Variants in CAMKMT observed in about 807,000 individuals in gnomAD.
CAMKMT encodes the protein CaM KMT.
CAMKMT carries 53 observed loss-of-function variants against 48.0 expected under a neutral mutation model. The observed-to-expected ratio is 1.10, with a 90% CI of 0.89 to 1.39. The LOEUF is 1.39. Among genes scored for constraint, CAMKMT ranks in the 40% most tolerant of loss-of-function variants. The pLI is 0.00. For synonymous variants in CAMKMT, 165 were observed against 152.3 expected, an observed-to-expected ratio of 1.08 and a Z score of -0.61; for missense variants, 428 against 402.7, an observed-to-expected ratio of 1.06 and a Z score of -0.54.
chr2:44,703,717 A>G (rs1677383055), intron 3 of CAMKMT, among the ~76,000 whole-genome samples: 1 of 149,612 alleles, frequency 6.7e-6, no homozygotes, highest in Non-Finnish European at 1.5e-5. Flanking sequence ...GGCAGACTTT[A>G]CAGTGAGCTG....
chr2:44,500,862 A>T (rs1389643610), intron 3 of CAMKMT, among the ~76,000 whole-genome samples: 1 of 151,648 alleles, frequency 6.6e-6, no homozygotes, highest in Non-Finnish European at 1.5e-5. Context: ...TTGTATTTTT[A>T]GTAGAGATGG....
chr2:44,770,723 T>G (rs1434360033), intron 10 of CAMKMT, among the ~76,000 whole-genome samples: 1 of 152,240 alleles, frequency 6.6e-6, no homozygotes, highest in Admixed American at 6.5e-5. Context: ...TTTCTCAGCA[T>G]TTTCTAAAAT....
chr2:44,684,234 A>C (rs1404704426), intron 3 of CAMKMT, among the ~76,000 whole-genome samples: 1 of 152,224 alleles, frequency 6.6e-6, no homozygotes, highest in Non-Finnish European at 1.5e-5. Flanking sequence ...CGTTCTCAAC[A>C]ACTCAGCCTG....
intron 3 of CAMKMT, among the ~76,000 whole-genome samples, chr2:44,408,378 TAATGAC>T (rs1321042532): frequency 3.3e-5 from 5 of 152,114 alleles, no homozygotes; most frequent in Non-Finnish European, 7.4e-5. Flanking sequence ...AAAGTAAAGA[TAATGAC>T]AATAACAGTA....
rs747940794 is a variant in CAMKMT, at chr2:44,766,521, A to G, written c.854A>G (p.His285Arg). 1.9e-6 allele frequency: 3 copies of G among 1,614,186 alleles called. No homozygotes were observed. The highest frequency in any genetic ancestry group is 2.5e-6 in the Non-Finnish European group (3 of 1,180,036). Residue 285 changes from histidine (H) to arginine (R), a missense_variant, in exon 10 of 11, where the codon CAT becomes CGT. By Grantham distance (29) the His-to-Arg change is conservative. Coordinates refer to ENST00000378494, the MANE Select transcript of CAMKMT (RefSeq NM_024766.5). Reference sequence around the variant, plus strand: ...AAAGCTGGTTTCTGTATCCAAAGACATGAAAATTATGATGAACACATTTCA... The same window carrying G: ...AAAGCTGGTTTCTGTATCCAAAGACGTGAAAATTATGATGAACACATTTCA... ...AEKAGFCIQR[H>R]ENYDEHISNF... is the part of the protein sequence containing the mutation.
At chr2:44,390,175 C>T in intron 2 of CAMKMT, 66 bp from the exon 3 acceptor site, 2 of 1,258,086 alleles carry the variant, frequency 1.6e-6, no homozygotes, top group South Asian at 1.3e-5. Context: ...TCAGTCTCAG[C>T]TTTTTTGAAT....
intron 2 of CAMKMT, among the ~76,000 whole-genome samples, chr2:44,386,411 G>T (rs1053480223): frequency 4.0e-5 from 6 of 151,812 alleles, no homozygotes; most frequent in Non-Finnish European, 8.8e-5. Flanking sequence ...TTCTTTTCTT[G>T]GTTAATCTTG....
At chr2:44,568,060 G>A (rs1337749288) in intron 3 of CAMKMT, among the ~76,000 whole-genome samples, 4 of 151,998 alleles carry the variant, frequency 2.6e-5, no homozygotes, top group African/African-American at 4.8e-5. Context: ...CAGGGGCCAG[G>A]GTGGGGGTGG....
chr2:44,385,338 G>A (rs766473831), intron 2 of CAMKMT, among the ~76,000 whole-genome samples: 51 of 151,992 alleles, frequency 3.4e-4, no homozygotes, highest in Non-Finnish European at 7.4e-4. Flanking sequence ...CCTTGTATTT[G>A]GAAATTTTGC....
chr2:44,712,249 C>T (rs755351232), intron 6 of CAMKMT, among the ~76,000 whole-genome samples: 10 of 151,502 alleles, frequency 6.6e-5, no homozygotes, highest in South Asian at 2.1e-4. Flanking sequence ...GGTATTCCAG[C>T]GAAAATAAAG....
chr2:44,619,795 T>C (rs1672078561), intron 3 of CAMKMT, among the ~76,000 whole-genome samples: 1 of 152,208 alleles, frequency 6.6e-6, no homozygotes, highest in Admixed American at 6.5e-5. Flanking sequence ...TCTGACCCTA[T>C]GGTTTCATAC....
intron 3 of CAMKMT, among the ~76,000 whole-genome samples, chr2:44,419,939 C>G (rs1056027527): frequency 6.6e-6 from 1 of 152,084 alleles, no homozygotes; most frequent in African/African-American, 2.4e-5. Context: ...GTCTCACAGT[C>G]ATTAGACACA....
intron 3 of CAMKMT, among the ~76,000 whole-genome samples, chr2:44,647,224 C>A (rs1673784302): frequency 6.6e-6 from 1 of 152,164 alleles, no homozygotes; most frequent in African/African-American, 2.4e-5. Context: ...CATTGACATT[C>A]AATTCAAATT....
intron 3 of CAMKMT, among the ~76,000 whole-genome samples, chr2:44,448,863 A>T (rs1667143178): frequency 6.6e-6 from 1 of 152,242 alleles, no homozygotes; most frequent in African/African-American, 2.4e-5. Flanking sequence ...CCTCAGAAAC[A>T]TTGTGCTAAG....
At chr2:44,617,495 A>G (rs971321415) in intron 3 of CAMKMT, among the ~76,000 whole-genome samples, 1 of 152,246 alleles carries the variant, frequency 6.6e-6, no homozygotes, top group African/African-American at 2.4e-5. Flanking sequence ...CATCTTGATG[A>G]TACTGATTCA....
At chr2:44,574,226 G>C (rs1328843339) in intron 3 of CAMKMT, among the ~76,000 whole-genome samples, 2 of 152,164 alleles carry the variant, frequency 1.3e-5, no homozygotes, top group East Asian at 3.8e-4. Context: ...GACCAAGATT[G>C]GGCAAGAGGC....
intron 3 of CAMKMT, among the ~76,000 whole-genome samples, chr2:44,561,016 G>A (rs1042888758): frequency 6.6e-6 from 1 of 152,148 alleles, no homozygotes; most frequent in Non-Finnish European, 1.5e-5. Context: ...GATAAGTATA[G>A]CTGCCTTCCT....
intron 3 of CAMKMT, among the ~76,000 whole-genome samples, chr2:44,534,852 C>T (rs1260032601): frequency 6.6e-6 from 1 of 151,640 alleles, no homozygotes; most frequent in Non-Finnish European, 1.5e-5. Flanking sequence ...CCTAAAATTA[C>T]TAAAAGGAAA....
At chr2:44,433,109 A>G (rs1347717686) in intron 3 of CAMKMT, among the ~76,000 whole-genome samples, 1 of 152,196 alleles carries the variant, frequency 6.6e-6, no homozygotes. Context: ...GTTATGTTAC[A>G]TTAGAGCTGG....
Sources: gnomAD v4.1 joint callset for allele counts (sites outside exome capture counted in the v4.1 genomes callset) on GRCh38, gnomAD v4.1.1 for gene constraint, MANE v1.5 for transcripts, NCBI Gene and HGNC (gene_info 2026-07-23, HGNC 2026-07-21) for gene names.